The following ALKBH1 variants were observed in gnomAD, a reference collection of about 807,000 sequenced individuals.
ALKBH1 encodes the protein alkB homolog 1, histone H2A dioxygenase.
A neutral mutation model predicts 36.6 loss-of-function variants in ALKBH1; 31 were observed. The observed-to-expected ratio is 0.85, with a 90% CI of 0.64 to 1.14. ALKBH1 has a LOEUF of 1.14. Among genes scored for constraint, ALKBH1 ranks in the 50% most tolerant of loss-of-function variants. ALKBH1 has a pLI of 0.00. For synonymous variants in ALKBH1, 183 were observed against 186.6 expected (o/e 0.98, Z 0.16); for missense variants, 490 against 497.3 (o/e 0.99, Z 0.14).
Position 77,673,896 on chromosome 14 carries a change from T to G in ALKBH1, c.1086A>C (p.Lys362Asn), listed in dbSNP as rs2080189776. The G allele has an allele frequency of 6.2e-7, 1 of 1,614,218 alleles. No homozygotes were observed. Among genetic ancestry groups the G allele is most frequent in the East Asian group, 2.2e-5 (1 of 44,890 alleles). Residue 362 changes from lysine to asparagine, a missense_variant, in exon 6 of 6, where the codon AAA (lysine) becomes AAC (asparagine). Transcript: ENST00000216489. ...NFPLEPIEDE[K>N]RDISTEGFCH... ...AGAAACCTTCTGTACTGATGTCTCT[T>G]TTTTCATCCTCGATGGGTTCTAGAG... is the stretch of plus-strand genomic sequence containing the variant.
Position 77,673,963 on chromosome 14 carries a change from T to G in ALKBH1, c.1019A>C (p.Asn340Thr), listed in dbSNP as rs866683746. The G allele has an allele frequency of 4.3e-6, 7 of 1,614,196 alleles. 1 individual carries two copies. In the South Asian group the frequency reaches 7.7e-5, roughly 18 times the overall value. The stretch of plus-strand genomic sequence containing the variant: ...GGCCAGGACCTGTCGGACAGTCATG[T>G]TAACACGAGCGGTCTTCAAGTAGCT... Reference protein sequence around the residue: ...CASYLKTARVNMTVRQVLATD... With the variant: ...CASYLKTARVTMTVRQVLATD... The change falls in exon 6 of 6, where the codon AAC becomes ACC. Residue 340 changes from asparagine to threonine, a missense_variant. Coordinates refer to ENST00000216489, the MANE Select transcript of ALKBH1 (RefSeq NM_006020.3).
intron 3 of ALKBH1, among the ~76,000 whole-genome samples, chr14:77,693,502 A>G (rs1490441899): frequency 1.3e-5 from 2 of 152,240 alleles, no homozygotes; most frequent in African/African-American, 2.4e-5. Flanking sequence ...TAACAACTGA[A>G]TAAACGTAAG....
rs530166405 is a variant in ALKBH1, at chr14:77,684,029, G to A, written c.456-4059C>T. The stretch of plus-strand genomic sequence containing the variant: ...GGAAGATGGCAGTTCCAGCTGAAAA[G>A]CGCAGTCTTAAGAGCTCTACTGAAA... On this transcript the variant is annotated intron_variant, in intron 3 of 5. Transcript: ENST00000216489. The A allele has an allele frequency of 2.6e-5, 4 of 152,670 alleles. No individual in the cohort carries two copies. The East Asian group carries it at 5.8e-4, about 22-fold the overall frequency. 9.5% of individuals were successfully genotyped at this position (152,670 alleles called of 1,614,324 possible).
chr14:77,674,136 G>A lies in ALKBH1; in HGVS notation c.846C>T (p.Ser282=), dbSNP rs2080192056. 3 of 1,614,184 alleles carry A rather than the reference G, an allele frequency of 1.9e-6. No individual in the cohort carries two copies. The highest frequency in any genetic ancestry group is 2.5e-6 in the Non-Finnish European group (3 of 1,180,026). ...SGDIMIMSGF[S]RLLNHAVPRV... Reference sequence around the variant, plus strand: ...GAGGGACTGCGTGGTTCAAGAGGCGGCTGAAACCCGACATTATCATGATGT... The same window carrying A: ...GAGGGACTGCGTGGTTCAAGAGGCGACTGAAACCCGACATTATCATGATGT... The change falls in exon 6 of 6, where the codon AGC becomes AGT. Residue 282 remains serine (S), a synonymous_variant. Transcript: ENST00000216489.
Position 77,675,810 on chromosome 14 carries a change from G to A in ALKBH1, c.586C>T (p.Leu196=). ...GCTACTTGCTCTGAGAGGAAACCCA[G>A]GTCAGAAGGGAAAGGTGTGTAATGA... is the stretch of plus-strand genomic sequence containing the variant. The part of the protein sequence containing the change: ...ADHYTPFPSD[L]GFLSEQVAAA... Residue 196 remains leucine (L), a synonymous_variant, in exon 5 of 6, where the codon CTG becomes TTG. Coordinates refer to ENST00000216489, the MANE Select transcript of ALKBH1 (RefSeq NM_006020.3). 1 of 1,613,862 alleles carries A rather than the reference G, an allele frequency of 6.2e-7. No homozygotes were observed. The highest frequency in any genetic ancestry group is 1.1e-5 in the South Asian group (1 of 91,056).
chr14:77,692,182 T>C (rs564240384), intron 3 of ALKBH1, among the ~76,000 whole-genome samples: 1 of 152,330 alleles, frequency 6.6e-6, no homozygotes, highest in South Asian at 2.1e-4. Flanking sequence ...ATTATCTTGT[T>C]TAATCCTCAT....
Position 77,679,920 on chromosome 14 carries a change from C to A in ALKBH1, c.506G>T (p.Arg169Leu). 5 of 1,614,164 alleles carry A rather than the reference C, an allele frequency of 3.1e-6. No individual in the cohort carries two copies. Among genetic ancestry groups the A allele is most frequent in the Non-Finnish European group, 4.2e-6 (5 of 1,180,002 alleles). ...RRPRSLLEKL[R>L]WVTVGYHYNW... ...ATAATGGTAGCCTACGGTCACCCAA[C>A]GCAGTTTCTCCAGTAAACTTCGGGG... The change falls in exon 4 of 6, where the codon CGT becomes CTT. Residue 169 changes from arginine to leucine, a missense_variant. By Grantham distance (102) the Arg-to-Leu change is moderately radical. Coordinates refer to ENST00000216489, the MANE Select transcript of ALKBH1 (RefSeq NM_006020.3).
rs1006961738 is a variant in ALKBH1, at chr14:77,675,947, A to G, written c.547-98T>C. The G allele has an allele frequency of 1.3e-5, 13 of 1,024,956 alleles. 1 individual carries two copies. In the African/African-American group the frequency reaches 1.3e-4, roughly 10 times the overall value. The allele number at this position is 1,024,956 out of a possible 1,614,324, so 63.5% of individuals were successfully genotyped here. ...ACCACTTTAAAATAATCTTACTTAC[A>G]AAGTCATATTAACATATTAACACAG... On this transcript the variant is annotated intron_variant, in intron 4 of 5. Coordinates refer to ENST00000216489, the MANE Select transcript of ALKBH1 (RefSeq NM_006020.3).
Position 77,708,018 on chromosome 14 carries a change from C to A in ALKBH1, c.-14G>T. 1 of 1,608,772 alleles carries A rather than the reference C, an allele frequency of 6.2e-7. No individual in the cohort carries two copies. The highest frequency in any genetic ancestry group is 1.1e-5 in the South Asian group (1 of 90,776). Reference sequence around the variant, plus strand: ...CATCTTCCCCATCTCGCGGCCTATACCCTCTGATCCGGAAGCAGATTCTCT... The same window carrying A: ...CATCTTCCCCATCTCGCGGCCTATAACCTCTGATCCGGAAGCAGATTCTCT... On this transcript the variant is annotated 5_prime_UTR_variant, in exon 1 of 6. Transcript: ENST00000216489.
intron 1 of ALKBH1, 95 bp downstream of exon 1, chr14:77,707,727 G>A (rs2080403809): frequency 1.5e-6 from 2 of 1,378,766 alleles, no homozygotes; most frequent in Non-Finnish European, 2.0e-6. Context: ...AATAACAATC[G>A]GTCTGGAGGT....
At chr14:77,694,945 C>A in intron 2 of ALKBH1, 45 bp from the exon 3 acceptor site, 1 of 1,396,560 alleles carries the variant, frequency 7.2e-7, no homozygotes, top group South Asian at 1.7e-5. Flanking sequence ...GGGAAATTCT[C>A]CATCAGTTAT....
At position 77,707,759 on chromosome 14, in the gene ALKBH1, G is replaced by C. The variant is rs114421251; in HGVS notation, c.183+63C>G. 9.6e-4 allele frequency: 1,463 copies of C among 1,522,720 alleles called. 11 individuals carry two copies. In the African/African-American group the frequency reaches 0.017, roughly 18 times the overall value. The allele number at this position is 1,522,720 out of a possible 1,614,324, so 94.3% of individuals were successfully genotyped here. On this transcript the variant is annotated intron_variant, in intron 1 of 5. Transcript: ENST00000216489. The stretch of plus-strand genomic sequence containing the variant: ...AGGTGAAAAGAGGCGAAGAAGACAC[G>C]TAAGTCCCTCCAAGACGCGGGGCAA...
At chr14:77,674,613 C>T (rs574283222) in intron 5 of ALKBH1, among the ~76,000 whole-genome samples, 7 of 152,158 alleles carry the variant, frequency 4.6e-5, no homozygotes, top group African/African-American at 1.4e-4. Context: ...AGTGCAGCGG[C>T]GCGATCTCGG....
At chr14:77,700,000 A>G (rs1330334071) in intron 2 of ALKBH1, among the ~76,000 whole-genome samples, 3 of 152,144 alleles carry the variant, frequency 2.0e-5, no homozygotes, top group Non-Finnish European at 2.9e-5. Flanking sequence ...GCTTGCAGTG[A>G]GCAGAGATCA....
chr14:77,685,568 G>A (rs1219336397), intron 3 of ALKBH1, among the ~76,000 whole-genome samples: 3 of 151,958 alleles, frequency 2.0e-5, no homozygotes. Flanking sequence ...CCTTAGCTCA[G>A]AAGTTGGAGA....
At chr14:77,698,158 G>T (rs1335276063) in intron 2 of ALKBH1, among the ~76,000 whole-genome samples, 1 of 152,126 alleles carries the variant, frequency 6.6e-6, no homozygotes, top group Admixed American at 6.5e-5. Context: ...GAGTTAAGAG[G>T]GTAGTTTTTG....
At position 77,674,027 on chromosome 14, in the gene ALKBH1, C is replaced by A. The variant is rs1595045508; in HGVS notation, c.955G>T (p.Val319Leu). 2 of 1,614,180 alleles carry A rather than the reference C, an allele frequency of 1.2e-6. No individual in the cohort carries two copies. Among genetic ancestry groups the A allele is most frequent in the South Asian group, 1.1e-5 (1 of 91,080 alleles). ...CAGTCCTCCATAGAACAAGGCTCTA[C>A]CATTGAATCTCTCGGGAGGACAGCA... ...LPAVLPRDSM[V>L]EPCSMEDWQV... The change falls in exon 6 of 6, where the codon GTA (valine) becomes TTA (leucine). Residue 319 changes from valine (V) to leucine (L), a missense_variant. Val to Leu is a conservative substitution (Grantham distance 32). Transcript: ENST00000216489.
intron 2 of ALKBH1, among the ~76,000 whole-genome samples, chr14:77,703,593 C>T (rs1255867167): frequency 2.7e-5 from 3 of 112,898 alleles, no homozygotes; most frequent in African/African-American, 7.2e-5. Flanking sequence ...CTGCGTCCAG[C>T]TTTTTTTTTT....
Position 77,679,639 on chromosome 14 carries a change from C to G in ALKBH1, c.546+241G>C, listed in dbSNP as rs1005470920. ...AAAGACAGGGTTGTGCCACGTTGCC[C>G]AGGCTGGCAGCAAACTCCTGACCTT... On this transcript the variant is annotated intron_variant, in intron 4 of 5. Transcript: ENST00000216489. Among the ~76,000 whole-genome samples the G allele has an allele frequency of 5.9e-5, 9 of 152,144 alleles. No homozygotes were observed. In the South Asian group the frequency reaches 1.9e-3, roughly 32 times the overall value.
Sources: allele counts gnomAD v4.1 joint callset (sites outside exome capture counted in the v4.1 genomes callset), GRCh38; gene constraint gnomAD v4.1.1; transcripts MANE v1.5; gene names NCBI Gene and HGNC (gene_info 2026-07-23, HGNC 2026-07-21).